The following HECW1 variants were observed in gnomAD, a reference collection of about 807,000 sequenced individuals.
The protein encoded by HECW1 is E3 ubiquitin-protein ligase HECW1.
HECW1 carries 61 observed loss-of-function variants against 182.3 expected under a neutral mutation model. The observed-to-expected ratio is 0.33, with a 90% confidence interval of 0.27 to 0.41. The LOEUF (loss-of-function observed/expected upper bound fraction) is 0.41. Among genes scored for constraint, HECW1 ranks in the 10% least tolerant of loss-of-function variants. The probability of loss-of-function intolerance (pLI) is 1.00; values close to 1 mark genes in which losing one functional copy is unlikely to be tolerated. For missense variants in HECW1, 1,739 were observed against 2,108.9 expected (o/e 0.82, Z 3.44); for synonymous variants, 859 against 832.6 (o/e 1.03, Z -0.55).
intron 13 of HECW1, among the ~76,000 whole-genome samples, chr7:43,458,316 ATGAATC>A (rs1310529609): frequency 6.6e-6 from 1 of 152,248 alleles, no homozygotes; most frequent in African/African-American, 2.4e-5. Context: ...AAGCAAGACA[ATGAATC>A]TGAAGCAGAA....
intron 3 of HECW1, among the ~76,000 whole-genome samples, chr7:43,292,803 C>G (rs974712868): frequency 6.6e-6 from 1 of 152,146 alleles, no homozygotes; most frequent in African/African-American, 2.4e-5. Flanking sequence ...TAGTACAAGG[C>G]AAAATCTGGA....
At chr7:43,220,475 G>A (rs561111831) in intron 2 of HECW1, among the ~76,000 whole-genome samples, 4 of 152,296 alleles carry the variant, frequency 2.6e-5, no homozygotes, top group Non-Finnish European at 4.4e-5. Flanking sequence ...CTGATGTCAC[G>A]TGACTCAGAG....
intron 24 of HECW1, among the ~76,000 whole-genome samples, chr7:43,519,534 G>T (rs183045281): frequency 6.6e-6 from 1 of 152,170 alleles, no homozygotes; most frequent in African/African-American, 2.4e-5. Context: ...GTGAGCCACC[G>T]CGCCTGGCCT....
At chr7:43,363,108 G>A (rs1260004759) in intron 6 of HECW1, among the ~76,000 whole-genome samples, 8 of 152,224 alleles carry the variant, frequency 5.3e-5, no homozygotes, top group African/African-American at 1.9e-4. Context: ...GCTCAGACCA[G>A]TGCAAAATGT....
intron 6 of HECW1, among the ~76,000 whole-genome samples, chr7:43,378,982 G>T (rs890856482): frequency 7.2e-5 from 11 of 152,132 alleles, no homozygotes; most frequent in African/African-American, 2.7e-4. Context: ...GGTGGTTATT[G>T]CTTATGGGGG....
At position 43,466,562 on chromosome 7, in the gene HECW1, C is replaced by CAATTAGCACAGTTGTAA; in HGVS notation, c.2912_2913insGCACAGTTGTAAAATTA (p.Tyr971Ter). ...CCGAGTTCTTCACTGTGCTACATGCCAATTATGTGAGTGCCCTAAAATGCA... is the reference window on the plus strand; with the variant it reads ...CCGAGTTCTTCACTGTGCTACATGCCAATTAGCACAGTTGTAAAATTATGTGAGTGCCCTAAAATGCA... On this transcript the variant is annotated stop_gained and frameshift_variant, in exon 15 of 30. Coordinates refer to ENST00000395891, the MANE Select transcript of HECW1 (RefSeq NM_015052.5). LOFTEE classifies it high-confidence loss of function. The CAATTAGCACAGTTGTAA allele has an allele frequency of 6.2e-7, 1 of 1,612,704 alleles. No individual in the cohort carries two copies. The highest frequency in any genetic ancestry group is 8.5e-7 in the Non-Finnish European group (1 of 1,179,582).
In HECW1 at chr7:43,359,121, C is replaced by T. The variant is rs1049394387; in HGVS notation, c.461-1765C>T. On this transcript the variant is annotated intron_variant, in intron 5 of 29. Coordinates refer to ENST00000395891, the MANE Select transcript of HECW1 (RefSeq NM_015052.5). Reference sequence around the variant, plus strand: ...GATTACAGGCGTGAGCCACCGTGCCCGGCCCATATCTTTTAACCTAAAGAA... The same window carrying T: ...GATTACAGGCGTGAGCCACCGTGCCTGGCCCATATCTTTTAACCTAAAGAA... 4.6e-5 allele frequency among the ~76,000 whole-genome samples: 7 copies of T among 152,106 alleles called. No homozygotes were observed. The East Asian group carries it at 5.8e-4, about 13-fold the overall frequency.
At chr7:43,186,099 G>A (rs59937541) in intron 2 of HECW1, among the ~76,000 whole-genome samples, 10,463 of 152,124 alleles carry the variant, frequency 0.069, 504 homozygotes, top group East Asian at 0.27. Flanking sequence ...CAAGATAATC[G>A]TCATAGAGCT....
chr7:43,206,863 C>G (rs1399193396), intron 2 of HECW1, among the ~76,000 whole-genome samples: 1 of 152,174 alleles, frequency 6.6e-6, no homozygotes. Context: ...ATGAAAAACT[C>G]TCTCGGTCTT....
intron 4 of HECW1, among the ~76,000 whole-genome samples, chr7:43,315,605 T>C (rs1465979660): frequency 1.3e-5 from 2 of 152,114 alleles, no homozygotes; most frequent in Non-Finnish European, 2.9e-5. Flanking sequence ...GCGATTCTCC[T>C]GATTCAGCCT....
intron 3 of HECW1, among the ~76,000 whole-genome samples, chr7:43,298,896 C>T (rs1806371194): frequency 6.6e-6 from 1 of 152,184 alleles, no homozygotes; most frequent in South Asian, 2.1e-4. Context: ...ACTTTAATCT[C>T]TGCTGTTTTC....
intron 4 of HECW1, 106 bp downstream of exon 4, chr7:43,312,193 T>C: frequency 9.6e-7 from 1 of 1,046,328 alleles, no homozygotes; most frequent in Non-Finnish European, 1.4e-6. Context: ...AACTGTGTTA[T>C]ATGCCAGATT....
At chr7:43,316,166 T>G (rs984564711) in intron 4 of HECW1, among the ~76,000 whole-genome samples, 1 of 152,172 alleles carries the variant, frequency 6.6e-6, no homozygotes, top group African/African-American at 2.4e-5. Flanking sequence ...ATTATAATAA[T>G]CCACAAAGAT....
At chr7:43,416,318 G>T (rs2075994195) in intron 8 of HECW1, among the ~76,000 whole-genome samples, 1 of 151,282 alleles carries the variant, frequency 6.6e-6, no homozygotes. Flanking sequence ...CCTGCTGGGG[G>T]GTGCCTCCCA....
chr7:43,282,625 T>A (rs1046822665), intron 3 of HECW1, among the ~76,000 whole-genome samples: 7 of 152,198 alleles, frequency 4.6e-5, no homozygotes, highest in Admixed American at 4.6e-4. Flanking sequence ...ATATATCTTT[T>A]AAAATTGTTA....
chr7:43,322,197 G>A (rs573642684), intron 5 of HECW1, among the ~76,000 whole-genome samples: 3 of 152,264 alleles, frequency 2.0e-5, no homozygotes, highest in East Asian at 1.9e-4. Flanking sequence ...AGCCTCCCGC[G>A]TAGCTGGGAT....
chr7:43,143,510 T>G (rs1215223630), intron 2 of HECW1, among the ~76,000 whole-genome samples: 8 of 152,104 alleles, frequency 5.3e-5, no homozygotes, highest in Non-Finnish European at 1.2e-4. Context: ...CGTCTTGAAC[T>G]CCTGGGCTCA....
intron 6 of HECW1, among the ~76,000 whole-genome samples, chr7:43,396,488 C>T (rs1194434085): frequency 6.6e-6 from 1 of 152,168 alleles, no homozygotes; most frequent in Non-Finnish European, 1.5e-5. Context: ...TTAGGCCCTG[C>T]TTTAATAAAT....
intron 3 of HECW1, among the ~76,000 whole-genome samples, chr7:43,264,170 C>T (rs956914071): frequency 9.9e-5 from 15 of 152,158 alleles, no homozygotes; most frequent in Admixed American, 5.2e-4. Flanking sequence ...CACCATACTT[C>T]GCAATAGATC....
Sources: allele counts gnomAD v4.1 joint callset (sites outside exome capture counted in the v4.1 genomes callset), GRCh38; gene constraint gnomAD v4.1.1; transcripts MANE v1.5; gene names NCBI Gene and HGNC (gene_info 2026-07-23, HGNC 2026-07-21).